The following MPG variants were observed in gnomAD, a reference collection of about 807,000 sequenced individuals.
MPG encodes N-methylpurine DNA glycosylase, also known as DNA-3-methyladenine glycosylase.
A neutral mutation model predicts 31.7 loss-of-function variants in MPG; 33 were observed. The ratio of observed to expected loss-of-function variants is 1.04; its 90% CI spans 0.79 to 1.39. MPG has a LOEUF of 1.39. Ranked by LOEUF, MPG falls within the 40% of genes most tolerant of loss-of-function variation. MPG has a pLI of 0.00. For synonymous variants in MPG, 202 were observed against 169.2 expected (o/e 1.19, Z -1.51); for missense variants, 455 against 415.5 (o/e 1.10, Z -0.83).
At chr16:77,435 G>T (rs573612310), upstream of MPG, among the ~76,000 whole-genome samples, 28 of 152,306 alleles carry the variant, frequency 1.8e-4, no homozygotes, top group African/African-American at 6.3e-4. Flanking sequence ...TTGAGAGGTT[G>T]TGAGAGCTTA....
At chr16:83,740 C>CAA (rs55674146) in intron 3 of MPG, among the ~76,000 whole-genome samples, 12,513 of 99,184 alleles carry the variant, frequency 0.13, 697 homozygotes, top group East Asian at 0.21. Context: ...GACTCCATCT[C>CAA]AAAAAAAAAA....
At chr16:80,798 G>C (rs983298159) in intron 2 of MPG, among the ~76,000 whole-genome samples, 3 of 151,928 alleles carry the variant, frequency 2.0e-5, no homozygotes, top group Non-Finnish European at 4.4e-5. Flanking sequence ...GACAGGGCGA[G>C]ACTCCGTCTC....
chr16:79,455 C>T lies in MPG; in HGVS notation c.55C>T (p.Arg19Ter), dbSNP rs751241579. 95 of 1,613,122 alleles carry T rather than the reference C, an allele frequency of 5.9e-5. No homozygotes were observed. Among genetic ancestry groups the T allele is most frequent in the Non-Finnish European group, 7.8e-5 (92 of 1,180,014 alleles). ...CCGACGGATGGGGCAAAAGAAGCAG[C>T]GACCAGCTAGAGCAGGGCAGCCACA... ...FCRRMGQKKQ[R>*]PARAGQPHSS... Residue 19 changes from arginine (R) to a stop codon, truncating the protein, a stop_gained, in exon 2 of 4, where the codon CGA (arginine) becomes TGA (stop). Coordinates refer to ENST00000356432, the MANE Select transcript of MPG (RefSeq NM_001015052.3). LOFTEE classifies it high-confidence loss of function.
intron 1 of MPG, 81 bp from the exon 2 acceptor site, chr16:79,344 A>G (rs201063366): frequency 1.9e-6 from 3 of 1,613,828 alleles, no homozygotes; most frequent in Non-Finnish European, 2.5e-6. Flanking sequence ...GGTCAGATCC[A>G]GTCCTTGCAC....
At chr16:84,988 A>G (rs1225697466) in intron 3 of MPG, among the ~76,000 whole-genome samples, 4 of 152,206 alleles carry the variant, frequency 2.6e-5, no homozygotes, top group African/African-American at 9.7e-5. Context: ...GGCTCTCTGG[A>G]GCTTCCTTTG....
rs757576353 is a variant in MPG at position 85,470 on chromosome 16, G to A, written c.575G>A (p.Arg192His). Residue 192 changes from arginine (R) to histidine (H), a missense_variant, in exon 4 of 4, where the codon CGC becomes CAC. Arg to His is a conservative substitution (Grantham distance 29). Coordinates refer to ENST00000356432, the MANE Select transcript of MPG (RefSeq NM_001015052.3). The part of the protein sequence containing the change: ...LEGLETMRQL[R>H]STLRKGTASR... Reference sequence around the variant, plus strand: ...GGTCTGGAGACCATGCGTCAGCTTCGCAGCACCCTCCGGAAAGGCACCGCC... The same window carrying A: ...GGTCTGGAGACCATGCGTCAGCTTCACAGCACCCTCCGGAAAGGCACCGCC... 3.1e-6 allele frequency: 5 copies of A among 1,613,054 alleles called. No individual in the cohort carries two copies. The highest frequency in any genetic ancestry group is 2.2e-5 in the South Asian group (2 of 91,074).
In MPG at chr16:85,401, G is replaced by A; in HGVS notation, c.506G>A (p.Gly169Glu). The change falls in exon 4 of 4, where the codon GGG (glycine) becomes GAG (glutamate). Residue 169 changes from glycine to glutamate, a missense_variant and splice_region_variant. Gly to Glu is a moderately conservative substitution (Grantham distance 98). Transcript: ENST00000356432. ...MYFCMNISSQ[G>E]DGACVLLRAL... is the part of the protein sequence containing the mutation. ...CACTTCCAAACTGTCCGTCCCACAG[G>A]GGACGGGGCTTGCGTCTTGCTGCGA... is the stretch of plus-strand genomic sequence containing the variant. 1 of 1,600,940 alleles carries A rather than the reference G, an allele frequency of 6.2e-7. No individual in the cohort carries two copies. Among genetic ancestry groups the A allele is most frequent in the Non-Finnish European group, 8.5e-7 (1 of 1,172,902 alleles).
At chr16:81,010 T>C (rs1046434175) in intron 2 of MPG, among the ~76,000 whole-genome samples, 18 of 152,100 alleles carry the variant, frequency 1.2e-4, no homozygotes, top group African/African-American at 4.1e-4. Flanking sequence ...GAGAAGAGGG[T>C]GTCTCACCCT....
At chr16:79,083 G>A (rs1898167599) in intron 1 of MPG, 2 of 1,442,772 alleles carry the variant, frequency 1.4e-6, no homozygotes, top group Non-Finnish European at 9.1e-7. Flanking sequence ...TGATGAGTGG[G>A]AATCGGAGGG....
rs757708497 is a variant in MPG, at chr16:83,082, G to T, written c.331G>T (p.Glu111Ter). 2 of 1,610,492 alleles carry T rather than the reference G, an allele frequency of 1.2e-6. No homozygotes were observed. Among genetic ancestry groups the T allele is most frequent in the South Asian group, 1.1e-5 (1 of 90,912 alleles). The change falls in exon 3 of 4, where the codon GAA becomes TAA. Residue 111 changes from glutamate to a stop codon, truncating the protein, a stop_gained. Transcript: ENST00000356432. LOFTEE classifies it high-confidence loss of function. ...AGTCCGGCGACTTCCTAATGGCACA[G>T]AACTCCGAGGCCGCATCGTGGAGAC... ...VLVRRLPNGTELRGRIVETEA... is the reference protein window; with the variant it reads ...VLVRRLPNGT
In MPG at chr16:85,826, A is replaced by T. The variant is rs773694346; in HGVS notation, c.*49A>T. 1 of 1,438,284 alleles carries T rather than the reference A, an allele frequency of 7.0e-7. No homozygotes were observed. The allele number at this position is 1,438,284 out of a possible 1,614,324, so 89.1% of individuals were successfully genotyped here. ...TTTTTTAATTGTTTAAAAACCGAAT[A>T]AATGTTTTATTTCTAGAAAACTGTG... On this transcript the variant is annotated 3_prime_UTR_variant, in exon 4 of 4. Transcript: ENST00000356432.
chr16:82,130 AATGCTCCCCACGCT>A (rs1898262134), intron 2 of MPG, among the ~76,000 whole-genome samples: 1 of 80,718 alleles, frequency 1.2e-5, no homozygotes. Flanking sequence ...AGCCCTCCTG[AATGCTCCCCACGCT>A]GGCCCCTTCT....
chr16:79,601 C>A lies in MPG; in HGVS notation c.201C>A (p.Arg67=), dbSNP rs759395904. The A allele has an allele frequency of 6.2e-7, 1 of 1,606,972 alleles. No homozygotes were observed. The highest frequency in any genetic ancestry group is 8.5e-7 in the Non-Finnish European group (1 of 1,176,682). ...LGPPTTPGPY[R]SIYFSSPKGH... ...CGCCCACCACTCCGGGCCCATACCG[C>A]AGCATCTATTTCTCAAGCCCAAAGG... Residue 67 remains arginine, a synonymous_variant, in exon 2 of 4, where the codon CGC becomes CGA. Coordinates refer to ENST00000356432, the MANE Select transcript of MPG (RefSeq NM_001015052.3).
At chr16:81,376 GC>G (rs559166800) in intron 2 of MPG, among the ~76,000 whole-genome samples, 1 of 152,100 alleles carries the variant, frequency 6.6e-6, no homozygotes, top group Non-Finnish European at 1.5e-5. Flanking sequence ...TGGTAGTTGG[GC>G]CCCCCCAGTG....
At chr16:85,200 C>T (rs956745830) in intron 3 of MPG, among the ~76,000 whole-genome samples, 1 of 152,210 alleles carries the variant, frequency 6.6e-6, no homozygotes, top group Non-Finnish European at 1.5e-5. Flanking sequence ...GCAAGGTAGG[C>T]AGAGGGGTCT....
intron 1 of MPG, chr16:79,112 A>G (rs1898168606): frequency 2.0e-6 from 3 of 1,469,304 alleles, no homozygotes; most frequent in South Asian, 1.4e-5. Context: ...CTGCTGTCCC[A>G]GGCTCAGGCC....
At chr16:83,736 A>C (rs1266544746) in intron 3 of MPG, among the ~76,000 whole-genome samples, 4 of 144,718 alleles carry the variant, frequency 2.8e-5, no homozygotes, top group Non-Finnish European at 6.1e-5. Flanking sequence ...GCGAGACTCC[A>C]TCTCAAAAAA....
At chr16:78,206 G>A, upstream of MPG, 4 of 1,100,692 alleles carry the variant, frequency 3.6e-6, no homozygotes, top group Middle Eastern at 3.4e-4. Context: ...CCCCTTCTGC[G>A]CAGGCGCCGC....
intron 2 of MPG, among the ~76,000 whole-genome samples, chr16:81,252 G>A (rs1282562775): frequency 6.6e-6 from 1 of 152,192 alleles, no homozygotes; most frequent in African/African-American, 2.4e-5. Context: ...GGGGAGGGGT[G>A]AGAGGCCCCA....
Sources: gnomAD v4.1 joint callset for allele counts (sites outside exome capture counted in the v4.1 genomes callset) on GRCh38, gnomAD v4.1.1 for gene constraint, MANE v1.5 for transcripts, NCBI Gene and HGNC (gene_info 2026-07-23, HGNC 2026-07-21) for gene names.